The following ADGRL3 variants were observed in gnomAD, a reference collection of about 807,000 sequenced individuals.
ADGRL3 encodes adhesion G protein-coupled receptor L3, also known as calcium-independent alpha-latrotoxin receptor 3.
A neutral mutation model predicts 153.5 loss-of-function variants in ADGRL3; 62 were observed. The observed-to-expected ratio is 0.40, with a 90% confidence interval of 0.33 to 0.50. The LOEUF is 0.50. Ranked by LOEUF, ADGRL3 falls within the 20% of genes least tolerant of loss-of-function variation. The pLI, the probability that ADGRL3 is intolerant of heterozygous loss-of-function variation, is 0.47. For synonymous variants in ADGRL3, 710 were observed against 672.5 expected, an observed-to-expected ratio of 1.06 and a Z score of -0.86; for missense variants, 1,641 against 1,859.4, an observed-to-expected ratio of 0.88 and a Z score of 2.16.
chr4:61,635,342 G>A (rs1275347433), intron 5 of ADGRL3, among the ~76,000 whole-genome samples: 2 of 152,264 alleles, frequency 1.3e-5, no homozygotes, highest in Admixed American at 1.3e-4. Flanking sequence ...CATTCGGGGA[G>A]GGAGAGAAGA....
At position 61,998,261 on chromosome 4, in the gene ADGRL3, A is replaced by G. The variant is rs1157687663; in HGVS notation, c.3391A>G (p.Ile1131Val). 1.8e-5 allele frequency: 27 copies of G among 1,528,488 alleles called. No individual in the cohort carries two copies. The highest frequency in any genetic ancestry group is 9.8e-5 in the South Asian group (8 of 81,616). The allele number at this position is 1,528,488 out of a possible 1,614,324, so 94.7% of individuals were successfully genotyped here. A position where few individuals can be genotyped will look rare whatever the true frequency, so the allele number is the denominator to read the frequency against. Residue 1131 changes from isoleucine to valine, a missense_variant, in exon 21 of 27, where the codon ATC becomes GTC. Ile to Val is a conservative substitution (Grantham distance 29). Transcript: ENST00000683033. ...ACCTGAATCAGGCTGTCTTGATAAC[A>G]TCAAGTAAGTGATTTTTATTTTTGT... The part of the protein sequence containing the change: ...LKPESGCLDN[I>V]NYEDNRPFIK...
intron 14 of ADGRL3, among the ~76,000 whole-genome samples, chr4:61,935,307 G>A (rs1379175863): frequency 3.3e-5 from 5 of 152,126 alleles, no homozygotes; most frequent in South Asian, 2.1e-4. Context: ...GGACTTTTAT[G>A]TATGTATTAC....
chr4:61,701,274 C>A, intron 6 of ADGRL3, among the ~76,000 whole-genome samples: 1 of 152,040 alleles, frequency 6.6e-6, no homozygotes, highest in East Asian at 1.9e-4. Context: ...ACAGAAGCTC[C>A]TTAGCTTTAT....
At chr4:61,841,798 C>T (rs995357034) in intron 9 of ADGRL3, among the ~76,000 whole-genome samples, 4 of 152,142 alleles carry the variant, frequency 2.6e-5, no homozygotes, top group African/African-American at 7.2e-5. Flanking sequence ...TTGAAAGTTT[C>T]GAGTTCCTTG....
intron 8 of ADGRL3, among the ~76,000 whole-genome samples, chr4:61,787,513 G>T (rs757899432): frequency 3.9e-5 from 6 of 151,934 alleles, no homozygotes; most frequent in Non-Finnish European, 8.8e-5. Context: ...GTGTACTGGG[G>T]ACTCCCATAT....
At chr4:61,818,586 C>T (rs2097714695) in intron 9 of ADGRL3, among the ~76,000 whole-genome samples, 1 of 152,234 alleles carries the variant, frequency 6.6e-6, no homozygotes, top group African/African-American at 2.4e-5. Context: ...CCACTAGGCC[C>T]CACCTCCAAC....
intron 3 of ADGRL3, among the ~76,000 whole-genome samples, chr4:61,502,826 T>A (rs1381101551): frequency 6.6e-6 from 1 of 152,178 alleles, no homozygotes; most frequent in Admixed American, 6.5e-5. Flanking sequence ...GTTTTATTAG[T>A]GGTGAAAGAG....
chr4:61,645,087 T>G (rs2093903352), intron 5 of ADGRL3, among the ~76,000 whole-genome samples: 1 of 150,310 alleles, frequency 6.7e-6, no homozygotes, highest in East Asian at 2.0e-4. Flanking sequence ...GTCTGTTTTA[T>G]CAGAGACTAG....
intron 4 of ADGRL3, among the ~76,000 whole-genome samples, chr4:61,535,817 C>A (rs2098652436): frequency 6.6e-6 from 1 of 151,854 alleles, no homozygotes; most frequent in Non-Finnish European, 1.5e-5. Flanking sequence ...ATCTAGCTGG[C>A]ATCTATCAAT....
At chr4:61,529,607 T>C (rs1009862685) in intron 4 of ADGRL3, among the ~76,000 whole-genome samples, 2 of 152,146 alleles carry the variant, frequency 1.3e-5, no homozygotes, top group African/African-American at 4.8e-5. Flanking sequence ...GGCTAGGTTA[T>C]TTGTAAAGCT....
At chr4:61,414,126 A>T (rs1293913195) in intron 2 of ADGRL3, among the ~76,000 whole-genome samples, 2 of 152,236 alleles carry the variant, frequency 1.3e-5, no homozygotes, top group Non-Finnish European at 2.9e-5. Flanking sequence ...TCAGGAAATT[A>T]TCTCAGGAGT....
At chr4:61,372,289 G>T (rs1469113602) in intron 1 of ADGRL3, among the ~76,000 whole-genome samples, 1 of 152,192 alleles carries the variant, frequency 6.6e-6, no homozygotes, top group Non-Finnish European at 1.5e-5. Context: ...GCGTTCCTTT[G>T]GAGGAGCAGA....
intron 17 of ADGRL3, among the ~76,000 whole-genome samples, chr4:61,971,915 G>T: frequency 6.6e-6 from 1 of 152,154 alleles, no homozygotes; most frequent in Admixed American, 6.5e-5. Context: ...CAGTGATGGT[G>T]AGCATTTTTT....
At chr4:61,844,159 TC>T (rs1187710557) in intron 9 of ADGRL3, among the ~76,000 whole-genome samples, 1 of 152,148 alleles carries the variant, frequency 6.6e-6, no homozygotes, top group Admixed American at 6.6e-5. Context: ...TTTGTTTTTT[TC>T]TTTCTATACT....
At chr4:61,629,609 C>G (rs1377677665) in intron 5 of ADGRL3, among the ~76,000 whole-genome samples, 1 of 150,134 alleles carries the variant, frequency 6.7e-6, no homozygotes. Context: ...CCCAGCTACT[C>G]GGGAGGCTGA....
At chr4:61,948,594 C>T (rs2098934883) in intron 17 of ADGRL3, among the ~76,000 whole-genome samples, 1 of 151,996 alleles carries the variant, frequency 6.6e-6, no homozygotes. Context: ...GACCAAAGGC[C>T]AGTGGGGTTG....
rs534455730 is a variant in ADGRL3 at position 61,494,176 on chromosome 4, A to G, written c.-173-2945A>G. ...AAATCTACTGTGGTAGAAATTTAGT[A>G]TACATGTTTGAGAAAATGAATAAAT... On this transcript the variant is annotated intron_variant, in intron 2 of 26. Coordinates refer to ENST00000683033, the MANE Select transcript of ADGRL3 (RefSeq NM_001387552.1). 4.6e-5 allele frequency among the ~76,000 whole-genome samples: 7 copies of G among 151,594 alleles called. No homozygotes were observed. The South Asian group carries it at 1.5e-3, about 32-fold the overall frequency.
intron 2 of ADGRL3, among the ~76,000 whole-genome samples, chr4:61,392,164 C>T (rs1012924615): frequency 2.6e-5 from 4 of 151,632 alleles, no homozygotes; most frequent in South Asian, 2.1e-4. Context: ...CCCCCCTGCC[C>T]GGCCAAAATG....
At chr4:61,247,702 T>C (rs951638571) in intron 1 of ADGRL3, among the ~76,000 whole-genome samples, 3 of 152,180 alleles carry the variant, frequency 2.0e-5, no homozygotes, top group Admixed American at 6.6e-5. Flanking sequence ...TATTTTACAT[T>C]AAAATATATG....
Sources: allele counts gnomAD v4.1 joint callset (sites outside exome capture counted in the v4.1 genomes callset), GRCh38; gene constraint gnomAD v4.1.1; transcripts MANE v1.5; gene names NCBI Gene and HGNC (gene_info 2026-07-23, HGNC 2026-07-21).